CECR2: variants seen among roughly 807,000 people sequenced by gnomAD.
CECR2 encodes the protein CECR2 histone acetyl-lysine reader, also known as chromatin remodeling regulator CECR2.
Under a neutral mutation model 154.5 loss-of-function variants are expected in CECR2, and 30 were observed. The ratio of observed to expected loss-of-function variants is 0.19; its 90% CI spans 0.15 to 0.26. The LOEUF (loss-of-function observed/expected upper bound fraction) is 0.26, where lower values mean the gene tolerates loss of function less well. Among genes scored for constraint, CECR2 ranks in the 10% least tolerant of loss-of-function variants. The pLI is 1.00. For synonymous variants in CECR2, 725 were observed against 683.7 expected (o/e 1.06, Z -0.94); for missense variants, 1,743 against 1,829.3 (o/e 0.95, Z 0.86).
intron 1 of CECR2, chr22:17,477,006 A>G (rs2055218707): frequency 1.5e-6 from 1 of 660,154 alleles, no homozygotes. Flanking sequence ...TGTTTAGATG[A>G]TGTAAGATTA....
intron 1 of CECR2, among the ~76,000 whole-genome samples, chr22:17,413,412 C>G (rs999550411): frequency 1.3e-5 from 2 of 152,148 alleles, no homozygotes; most frequent in Non-Finnish European, 2.9e-5. Flanking sequence ...ATTGCTGTGT[C>G]TTGGCCGTGA....
chr22:17,541,576 G>T (rs565023871), intron 14 of CECR2, among the ~76,000 whole-genome samples: 2 of 152,198 alleles, frequency 1.3e-5, no homozygotes, highest in Non-Finnish European at 2.9e-5. Flanking sequence ...GGCTAAAATG[G>T]ATCCTTGGGA....
At chr22:17,487,044 A>C (rs2055434262) in intron 2 of CECR2, among the ~76,000 whole-genome samples, 1 of 152,176 alleles carries the variant, frequency 6.6e-6, no homozygotes, top group Non-Finnish European at 1.5e-5. Context: ...TCTGTTTTTC[A>C]GCTCGATGGT....
intron 1 of CECR2, among the ~76,000 whole-genome samples, chr22:17,404,364 CTTTCT>C (rs1314056727): frequency 2.7e-4 from 16 of 59,628 alleles, no homozygotes; most frequent in African/African-American, 6.8e-4. Context: ...GGACCCTGTT[CTTTCT>C]TTTTTTTTTT....
chr22:17,360,108 A>C (rs1192859947), intron 1 of CECR2: 1 of 152,260 alleles, frequency 6.6e-6, no homozygotes, highest in Non-Finnish European at 1.5e-5. Context: ...AAACAATCCC[A>C]AAAAGGATTA....
rs184260337 is a variant in CECR2, at chr22:17,393,997, C to T, written c.126+24088C>T. On this transcript the variant is annotated intron_variant, in intron 1 of 18. Coordinates refer to ENST00000262608, the MANE Select transcript of CECR2 (RefSeq NM_001290047.2). ...CTGCCTCCCGGGTTCAAGCAATTCT[C>T]CTGCCTCAGCCTCCCGAGTAGCTGG... is the stretch of plus-strand genomic sequence containing the variant. Among the ~76,000 whole-genome samples the T allele has an allele frequency of 1.6e-3, 239 of 150,682 alleles. 2 individuals are homozygous for T. Among genetic ancestry groups the T allele is most frequent in the African/African-American group, 5.6e-3 (228 of 40,964 alleles).
At chr22:17,436,436 C>A (rs938284539) in intron 1 of CECR2, among the ~76,000 whole-genome samples, 6 of 152,220 alleles carry the variant, frequency 3.9e-5, no homozygotes, top group Non-Finnish European at 7.3e-5. Flanking sequence ...GGAAGAAAGA[C>A]TTGGGTTGCT....
At chr22:17,387,941 GTTT>G (rs59212745) in intron 1 of CECR2, among the ~76,000 whole-genome samples, 1 of 148,430 alleles carries the variant, frequency 6.7e-6, no homozygotes, top group Non-Finnish European at 1.5e-5. Flanking sequence ...TAAGTTTTGA[GTTT>G]TTTTTTTGTT....
At chr22:17,505,440 G>A (rs1388820904) in intron 7 of CECR2, among the ~76,000 whole-genome samples, 1 of 151,706 alleles carries the variant, frequency 6.6e-6, no homozygotes, top group Non-Finnish European at 1.5e-5. Flanking sequence ...ACCAAATTCA[G>A]GGCAAGCTAT....
chr22:17,507,534 C>G (rs952983087), intron 7 of CECR2, among the ~76,000 whole-genome samples: 2 of 152,028 alleles, frequency 1.3e-5, no homozygotes, highest in Non-Finnish European at 2.9e-5. Context: ...TCACCTTAAG[C>G]CTTCTTTTAT....
At position 17,547,895 on chromosome 22, in the gene CECR2, C is replaced by A. The variant is rs78034498; in HGVS notation, c.2861-253C>A. On this transcript the variant is annotated intron_variant, in intron 16 of 18. Coordinates refer to ENST00000262608, the MANE Select transcript of CECR2 (RefSeq NM_001290047.2). ...GAATCGGGCAACCCACGGTTAAGGA[C>A]ATTTCCATTCTCCGGCCCACTGTAA... Among the ~76,000 whole-genome samples the A allele has an allele frequency of 7.2e-3, 1,099 of 152,260 alleles. 13 individuals carry two copies. The highest frequency in any genetic ancestry group is 0.025 in the African/African-American group (1,042 of 41,534).
intron 1 of CECR2, among the ~76,000 whole-genome samples, chr22:17,456,667 A>C (rs1415191884): frequency 6.6e-6 from 1 of 152,196 alleles, no homozygotes; most frequent in African/African-American, 2.4e-5. Context: ...TTAAAAAAAG[A>C]GTAACAACCT....
chr22:17,438,648 C>T (rs1440135817), intron 1 of CECR2, among the ~76,000 whole-genome samples: 1 of 151,284 alleles, frequency 6.6e-6, no homozygotes, highest in Non-Finnish European at 1.5e-5. Flanking sequence ...TTTTTTAAAG[C>T]TCATCAGGTA....
At chr22:17,468,359 TG>T (rs1156308061) in intron 1 of CECR2, among the ~76,000 whole-genome samples, 4 of 152,182 alleles carry the variant, frequency 2.6e-5, no homozygotes, top group Non-Finnish European at 2.9e-5. Context: ...TCACCAAGTC[TG>T]GCCCTCACCT....
At chr22:17,385,832 G>A (rs1025265658) in intron 1 of CECR2, among the ~76,000 whole-genome samples, 9 of 152,210 alleles carry the variant, frequency 5.9e-5, no homozygotes, top group Non-Finnish European at 4.4e-5. Context: ...AGCGGAAGGG[G>A]CATGAACCGC....
chr22:17,429,521 G>T (rs1403508879), intron 1 of CECR2, among the ~76,000 whole-genome samples: 7 of 132,712 alleles, frequency 5.3e-5, no homozygotes, highest in Non-Finnish European at 1.1e-4. Flanking sequence ...GGCCAGTAGG[G>T]CACAACCCCA....
At chr22:17,372,463 C>A (rs1227239807) in intron 1 of CECR2, among the ~76,000 whole-genome samples, 2 of 152,022 alleles carry the variant, frequency 1.3e-5, no homozygotes, top group South Asian at 2.1e-4. Context: ...GTCAGGAGTT[C>A]GAGACGAGAC....
At chr22:17,384,980 C>T (rs887404568) in intron 1 of CECR2, among the ~76,000 whole-genome samples, 4 of 152,180 alleles carry the variant, frequency 2.6e-5, no homozygotes, top group African/African-American at 9.7e-5. Context: ...TGCATGTTTA[C>T]GTTACATTTC....
rs111990077 is a variant in CECR2, at chr22:17,413,663, G to GATTATT, written c.126+43776_126+43781dup. Among the ~76,000 whole-genome samples the GATTATT allele has an allele frequency of 9.9e-3, 1,489 of 150,724 alleles. 15 individuals carry two copies. Among genetic ancestry groups the GATTATT allele is most frequent in the African/African-American group, 0.025 (1,028 of 40,832 alleles). On this transcript the variant is annotated intron_variant, in intron 1 of 18. Coordinates refer to ENST00000262608, the MANE Select transcript of CECR2 (RefSeq NM_001290047.2). ...AAATTTCATGTGCATTTGGAAGGAG[G>GATTATT]ATTATTATTATTATTATTATTATTA... is the stretch of plus-strand genomic sequence containing the variant.
Sources: gnomAD v4.1 joint callset for allele counts (sites outside exome capture counted in the v4.1 genomes callset) on GRCh38, gnomAD v4.1.1 for gene constraint, MANE v1.5 for transcripts, NCBI Gene and HGNC (gene_info 2026-07-23, HGNC 2026-07-21) for gene names.